Variants in KIF2A observed in about 807,000 individuals in gnomAD.
KIF2A encodes kinesin-like protein KIF2A.
KIF2A carries 22 observed loss-of-function variants against 100.2 expected under a neutral mutation model. The observed-to-expected ratio is 0.22, with a 90% CI of 0.16 to 0.31. The LOEUF is 0.31. KIF2A is among the 10% of genes least tolerant of loss of function. The probability of loss-of-function intolerance (pLI) is 1.00; values close to 1 mark genes in which losing one functional copy is unlikely to be tolerated. For missense variants in KIF2A, 495 were observed against 898.7 expected, an observed-to-expected ratio of 0.55 and a Z score of 5.74; for synonymous variants, 268 against 285.9, an observed-to-expected ratio of 0.94 and a Z score of 0.63.
Position 62,324,230 on chromosome 5 carries a change from A to G in KIF2A, c.64+17694A>G, listed in dbSNP as rs533685759. ...AAATCTGAGATGATACAAACAGAAA[A>G]ACATTCCATGATCATGGATAAGAAG... On this transcript the variant is annotated intron_variant, in intron 1 of 20. Transcript: ENST00000407818. Among the ~76,000 whole-genome samples, 352 of 152,286 alleles carry G rather than the reference A, an allele frequency of 2.3e-3. 2 individuals carry two copies. Among genetic ancestry groups the G allele is most frequent in the Middle Eastern group, 6.8e-3 (2 of 294 alleles).
At chr5:62,314,341 G>A (rs1006860918) in intron 1 of KIF2A, among the ~76,000 whole-genome samples, 1 of 152,066 alleles carries the variant, frequency 6.6e-6, no homozygotes, top group Non-Finnish European at 1.5e-5. Context: ...GCATGTGACT[G>A]TAGCCCCAGC....
chr5:62,347,346 A>G, intron 2 of KIF2A, 122 bp downstream of exon 2: 1 of 603,426 alleles, frequency 1.7e-6, no homozygotes, highest in South Asian at 2.4e-5. Flanking sequence ...TTCCTTGAAA[A>G]CTTTCAAATG....
chr5:62,332,826 A>T (rs1746722500), intron 1 of KIF2A, among the ~76,000 whole-genome samples: 1 of 152,196 alleles, frequency 6.6e-6, no homozygotes, highest in Admixed American at 6.5e-5. Context: ...TATATAGTAA[A>T]ATCTTTTCTT....
intron 1 of KIF2A, chr5:62,306,823 C>G: frequency 2.3e-6 from 1 of 430,664 alleles, no homozygotes; most frequent in Non-Finnish European, 4.1e-6. Context: ...GCGAGGGCCG[C>G]TCGCTCCTCC....
chr5:62,309,728 A>G (rs1353175686), intron 1 of KIF2A, among the ~76,000 whole-genome samples: 1 of 152,156 alleles, frequency 6.6e-6, no homozygotes, highest in East Asian at 1.9e-4. Flanking sequence ...CCATGTCCCT[A>G]TTTCAGACCA....
At chr5:62,375,423 T>TA (rs762935435) in intron 18 of KIF2A, among the ~76,000 whole-genome samples, 11 of 152,228 alleles carry the variant, frequency 7.2e-5, no homozygotes, top group Non-Finnish European at 4.4e-5. Flanking sequence ...GTGGGTACTA[T>TA]AATTATCCCT....
intron 1 of KIF2A, among the ~76,000 whole-genome samples, chr5:62,337,977 A>C (rs1747062147): frequency 6.6e-6 from 1 of 152,204 alleles, no homozygotes; most frequent in Non-Finnish European, 1.5e-5. Flanking sequence ...GGAACTTCAC[A>C]AGCTGATTCT....
intron 1 of KIF2A, among the ~76,000 whole-genome samples, chr5:62,319,795 ATGTATACT>A (rs1300061789): frequency 6.6e-6 from 1 of 152,182 alleles, no homozygotes; most frequent in Non-Finnish European, 1.5e-5. Flanking sequence ...ACTGTTTTTA[ATGTATACT>A]TGTAATTTTC....
chr5:62,362,616 T>C lies in KIF2A; in HGVS notation c.1119+75T>C, dbSNP rs1252404696. ...TAACATTTGCCATTTTAACCATTTT[T>C]AAGTTCAGTGGCATTAAATATATTC... On this transcript the variant is annotated intron_variant, in intron 12 of 20. Transcript: ENST00000407818. 8.4e-6 allele frequency: 5 copies of C among 591,988 alleles called. No homozygotes were observed. The East Asian group carries it at 1.9e-4, about 22-fold the overall frequency. 36.7% of individuals were successfully genotyped at this position (591,988 alleles called of 1,614,324 possible).
At chr5:62,308,636 A>G in intron 1 of KIF2A, 1 of 684,184 alleles carries the variant, frequency 1.5e-6, no homozygotes, top group East Asian at 2.7e-5. Flanking sequence ...ACATAGATGG[A>G]CCTGAAGGAC....
At chr5:62,349,436 T>A (rs998819885) in intron 3 of KIF2A, among the ~76,000 whole-genome samples, 2 of 152,074 alleles carry the variant, frequency 1.3e-5, no homozygotes, top group Non-Finnish European at 2.9e-5. Flanking sequence ...TTAATAGTAC[T>A]CATCTGATTT....
intron 1 of KIF2A, chr5:62,308,435 T>C: frequency 9.5e-7 from 1 of 1,048,810 alleles, no homozygotes; most frequent in Non-Finnish European, 1.4e-6. Context: ...CTTGTGAAGA[T>C]ATCTGCACTC....
chr5:62,348,092 T>G lies in KIF2A; in HGVS notation c.204T>G (p.Pro68=). Residue 68 remains proline (P), a synonymous_variant, in exon 3 of 21, where the codon CCT becomes CCG. Transcript: ENST00000407818. ...SIFSLNPDLV[P]DEEIEPSPET... is the part of the protein sequence containing the mutation. ...TTTCACTTAACCCTGACCTTGTTCC[T>G]GATGAAGAAATTGAACCCAGTCCAG... 1 of 1,613,880 alleles carries G rather than the reference T, an allele frequency of 6.2e-7. No individual in the cohort carries two copies.
intron 3 of KIF2A, 79 bp downstream of exon 3, chr5:62,348,246 TG>T (rs1246535185): frequency 2.7e-5 from 40 of 1,486,976 alleles, no homozygotes; most frequent in Non-Finnish European, 3.6e-5. Context: ...AGTTTGAAAT[TG>T]GTAGGCTTTG....
At chr5:62,349,605 A>T (rs1747744715) in intron 3 of KIF2A, among the ~76,000 whole-genome samples, 1 of 152,208 alleles carries the variant, frequency 6.6e-6, no homozygotes, top group African/African-American at 2.4e-5. Flanking sequence ...TTTTTAGGAT[A>T]ACTGACAATG....
chr5:62,324,790 A>T (rs915268740), intron 1 of KIF2A, among the ~76,000 whole-genome samples: 2 of 152,220 alleles, frequency 1.3e-5, no homozygotes, highest in Non-Finnish European at 2.9e-5. Flanking sequence ...CATTCTGGGC[A>T]TTGGCCTTAT....
chr5:62,381,162 G>A lies in KIF2A; in HGVS notation c.2058G>A (p.Met686Ile), dbSNP rs1175132161. The change falls in exon 20 of 21, where the codon ATG becomes ATA. Residue 686 changes from methionine (M) to isoleucine (I), a missense_variant. By Grantham distance (10) the Met-to-Ile change is conservative. This residue lies in a region of KIF2A where 58 missense variants were observed against 94.8 expected (regional missense o/e 0.61). Transcript: ENST00000407818. ...AAGATGAAAAGGCCCTCTTAGAGATGACTGAAGAAGTAGATTATGATGTCG... is the reference window on the plus strand; with the variant it reads ...AAGATGAAAAGGCCCTCTTAGAGATAACTGAAGAAGTAGATTATGATGTCG... ...WLEDEKALLE[M>I]TEEVDYDVDS... 27 of 1,609,752 alleles carry A rather than the reference G, an allele frequency of 1.7e-5. No homozygotes were observed. The highest frequency in any genetic ancestry group is 2.3e-5 in the Non-Finnish European group (27 of 1,176,340).
chr5:62,356,208 A>C (rs1415531089), intron 7 of KIF2A, among the ~76,000 whole-genome samples: 1 of 152,246 alleles, frequency 6.6e-6, no homozygotes, highest in Non-Finnish European at 1.5e-5. Context: ...GATGTATTAT[A>C]TAGAATTGAA....
At chr5:62,322,875 TAATGA>T (rs1561250815) in intron 1 of KIF2A, among the ~76,000 whole-genome samples, 2 of 137,370 alleles carry the variant, frequency 1.5e-5, no homozygotes, top group African/African-American at 2.7e-5. Context: ...TTTTTTTTTT[TAATGA>T]TCATATTTTT....
Sources: gnomAD v4.1 joint callset for allele counts (sites outside exome capture counted in the v4.1 genomes callset) on GRCh38, gnomAD v4.1.1 for gene constraint, gnomAD v4.1.1 regional missense constraint, MANE v1.5 for transcripts, NCBI Gene and HGNC (gene_info 2026-07-23, HGNC 2026-07-21) for gene names.